The following INPP4B variants were observed in gnomAD, a reference collection of about 807,000 sequenced individuals.
INPP4B encodes the protein inositol polyphosphate-4-phosphatase type II B.
A neutral mutation model predicts 122.5 loss-of-function variants in INPP4B; 55 were observed. That is an observed-to-expected ratio of 0.45 (90% CI 0.36 to 0.56). The LOEUF (loss-of-function observed/expected upper bound fraction) is 0.56. Ranked by LOEUF, INPP4B falls within the 20% of genes least tolerant of loss-of-function variation. The probability of loss-of-function intolerance (pLI) is 0.00; values close to 1 mark genes in which losing one functional copy is unlikely to be tolerated. For synonymous variants in INPP4B, 403 were observed against 388.7 expected (o/e 1.04, Z -0.43); for missense variants, 1,000 against 1,097.7 (o/e 0.91, Z 1.26).
At chr4:142,182,092 AG>A (rs748491581) in intron 15 of INPP4B, among the ~76,000 whole-genome samples, 35 of 152,262 alleles carry the variant, frequency 2.3e-4, no homozygotes, top group Non-Finnish European at 4.4e-4. Flanking sequence ...AGGGTAAATG[AG>A]TATGGAAGAA....
At chr4:142,624,799 C>T (rs1308280291) in intron 2 of INPP4B, among the ~76,000 whole-genome samples, 1 of 152,182 alleles carries the variant, frequency 6.6e-6, no homozygotes, top group Non-Finnish European at 1.5e-5. Context: ...AAGTGGGCTT[C>T]ATCCCTGGGA....
At chr4:142,461,806 A>AACACACACACACAC (rs3076617) in intron 3 of INPP4B, among the ~76,000 whole-genome samples, 52 of 150,692 alleles carry the variant, frequency 3.5e-4, no homozygotes, top group Non-Finnish European at 8.9e-5. Context: ...TAAAAGTACA[A>AACACACACACACAC]ACACACACAC....
At chr4:142,199,060 C>T (rs990082972) in intron 14 of INPP4B, among the ~76,000 whole-genome samples, 3 of 152,062 alleles carry the variant, frequency 2.0e-5, no homozygotes, top group Admixed American at 1.3e-4. Context: ...TATTAGTTTT[C>T]GTATCACATA....
intron 14 of INPP4B, among the ~76,000 whole-genome samples, chr4:142,207,318 T>C (rs1450356343): frequency 1.3e-5 from 2 of 152,222 alleles, no homozygotes; most frequent in Admixed American, 1.3e-4. Context: ...GTGTGAATGT[T>C]GGACCCTATC....
At chr4:142,313,180 G>A (rs1766207518) in intron 8 of INPP4B, among the ~76,000 whole-genome samples, 1 of 151,324 alleles carries the variant, frequency 6.6e-6, no homozygotes, top group South Asian at 2.1e-4. Flanking sequence ...AAGAACATGA[G>A]TGAGAGAAAA....
chr4:142,225,064 T>C (rs1850946093), intron 12 of INPP4B, among the ~76,000 whole-genome samples: 1 of 152,072 alleles, frequency 6.6e-6, no homozygotes, highest in Non-Finnish European at 1.5e-5. Flanking sequence ...TTTGAGTCTC[T>C]GGGCTGAGAG....
chr4:142,578,477 T>A (rs973227452), intron 2 of INPP4B, among the ~76,000 whole-genome samples: 4 of 151,952 alleles, frequency 2.6e-5, no homozygotes, highest in Non-Finnish European at 4.4e-5. Context: ...GTTGGCAGGT[T>A]GGTTTTCTCC....
chr4:142,502,968 G>A (rs182306458), intron 2 of INPP4B, among the ~76,000 whole-genome samples: 2 of 152,156 alleles, frequency 1.3e-5, no homozygotes, highest in East Asian at 3.9e-4. Context: ...GATAATAACT[G>A]AGATTTCTCA....
intron 1 of INPP4B, among the ~76,000 whole-genome samples, chr4:142,831,842 T>C (rs948672054): frequency 6.6e-6 from 1 of 152,190 alleles, no homozygotes; most frequent in East Asian, 1.9e-4. Flanking sequence ...TAATGAAGAA[T>C]TATCACCCAA....
chr4:142,042,438 C>T (rs1748270221), intron 25 of INPP4B, among the ~76,000 whole-genome samples: 1 of 152,110 alleles, frequency 6.6e-6, no homozygotes, highest in African/African-American at 2.4e-5. Context: ...TCTACAGCCT[C>T]TTTCTGTACA....
chr4:142,801,996 A>T (rs1191432144), intron 1 of INPP4B, among the ~76,000 whole-genome samples: 2 of 152,152 alleles, frequency 1.3e-5, no homozygotes, highest in South Asian at 2.1e-4. Flanking sequence ...CATACAGATT[A>T]AAAAAGACTC....
chr4:142,038,898 T>G (rs369737481), intron 25 of INPP4B, among the ~76,000 whole-genome samples: 1 of 152,178 alleles, frequency 6.6e-6, no homozygotes, highest in Non-Finnish European at 1.5e-5. Context: ...CTGGTTGGTA[T>G]TAGTTTTTGT....
At chr4:142,806,201 C>T (rs1778675357) in intron 1 of INPP4B, among the ~76,000 whole-genome samples, 1 of 145,020 alleles carries the variant, frequency 6.9e-6, no homozygotes, top group South Asian at 2.2e-4. Flanking sequence ...ATGGCGTGAA[C>T]CCGGGAGGCG....
chr4:142,541,960 G>T (rs1423555879), intron 2 of INPP4B, among the ~76,000 whole-genome samples: 1 of 152,160 alleles, frequency 6.6e-6, no homozygotes, highest in African/African-American at 2.4e-5. Context: ...ACTCTCAAGA[G>T]ATTTTATAGA....
intron 1 of INPP4B, among the ~76,000 whole-genome samples, chr4:142,773,918 A>G (rs996255367): frequency 1.3e-5 from 2 of 151,222 alleles, no homozygotes; most frequent in Non-Finnish European, 2.9e-5. Flanking sequence ...AGTTATTCCT[A>G]TTCACTGGAA....
intron 1 of INPP4B, among the ~76,000 whole-genome samples, chr4:142,762,702 G>A (rs1331194085): frequency 1.3e-5 from 2 of 152,148 alleles, no homozygotes; most frequent in Non-Finnish European, 2.9e-5. Flanking sequence ...GTGGTGTGGT[G>A]TGTGTGCCAT....
chr4:142,186,730 G>T (rs1480785563), intron 15 of INPP4B, among the ~76,000 whole-genome samples: 4 of 152,080 alleles, frequency 2.6e-5, no homozygotes, highest in African/African-American at 7.2e-5. Flanking sequence ...CAGCTACAAT[G>T]AAAATAAAAA....
intron 5 of INPP4B, among the ~76,000 whole-genome samples, chr4:142,413,343 G>A (rs1016312918): frequency 1.3e-5 from 2 of 152,010 alleles, no homozygotes; most frequent in South Asian, 4.1e-4. Context: ...CAATGTTTAA[G>A]ACTGAAAGAA....
intron 8 of INPP4B, among the ~76,000 whole-genome samples, chr4:142,312,630 A>G (rs1013663456): frequency 1.3e-5 from 2 of 152,160 alleles, no homozygotes; most frequent in Non-Finnish European, 2.9e-5. Context: ...TGGCAAGTAC[A>G]TGTGCGTTTC....
Sources: allele counts gnomAD v4.1 joint callset (sites outside exome capture counted in the v4.1 genomes callset), GRCh38; gene constraint gnomAD v4.1.1; transcripts MANE v1.5; gene names NCBI Gene and HGNC (gene_info 2026-07-23, HGNC 2026-07-21).